RGL1: variants seen among roughly 807,000 people sequenced by gnomAD.
The protein encoded by RGL1 is ral guanine nucleotide dissociation stimulator-like 1.
A neutral mutation model predicts 95.2 loss-of-function variants in RGL1; 24 were observed. The ratio of observed to expected loss-of-function variants is 0.25; its 90% CI spans 0.18 to 0.35. The LOEUF is 0.35. Ranked by LOEUF, RGL1 falls within the 10% of genes least tolerant of loss-of-function variation. The pLI, the probability that RGL1 is intolerant of heterozygous loss-of-function variation, is 1.00. For missense variants in RGL1, 715 were observed against 936.3 expected (o/e 0.76, Z 3.08); for synonymous variants, 329 against 344.9 (o/e 0.95, Z 0.51).
chr1:183,890,296 T>A (rs1432309686), intron 8 of RGL1, among the ~76,000 whole-genome samples: 2 of 152,168 alleles, frequency 1.3e-5, no homozygotes, highest in East Asian at 3.8e-4. Context: ...CACAGCAAGT[T>A]TGAGACTAAA....
rs1280074323 is a variant in RGL1 at position 183,926,303 on chromosome 1, C to A, written c.*11C>A. ...AAAATCACCCTCTGAAGGGAGGGAC[C>A]AGTGGCCCCTTGTTTGCCAAAGGCA... On this transcript the variant is annotated 3_prime_UTR_variant, in exon 18 of 18. Transcript: ENST00000360851. 1.3e-6 allele frequency: 2 copies of A among 1,593,986 alleles called. No homozygotes were observed. The highest frequency in any genetic ancestry group is 1.1e-5 in the South Asian group (1 of 89,036).
At chr1:183,689,172 A>T (rs925543906) in intron 1 of RGL1, among the ~76,000 whole-genome samples, 11 of 152,212 alleles carry the variant, frequency 7.2e-5, no homozygotes, top group African/African-American at 2.7e-4. Context: ...TTCCAAACCC[A>T]CAATACTAAA....
intron 2 of RGL1, among the ~76,000 whole-genome samples, chr1:183,836,702 C>G (rs889291516): frequency 1.1e-4 from 16 of 152,134 alleles, no homozygotes; most frequent in Admixed American, 2.6e-4. Context: ...TTCTAGCAAG[C>G]CCATGATCTA....
chr1:183,656,525 C>G (rs1651178907), intron 1 of RGL1, among the ~76,000 whole-genome samples: 1 of 152,226 alleles, frequency 6.6e-6, no homozygotes, highest in Non-Finnish European at 1.5e-5. Flanking sequence ...GTGTTCAAAT[C>G]AGGGAAATGC....
chr1:183,840,572 C>G (rs977042660), intron 2 of RGL1, among the ~76,000 whole-genome samples: 2 of 152,030 alleles, frequency 1.3e-5, no homozygotes, highest in Non-Finnish European at 2.9e-5. Flanking sequence ...TTATGTGAAA[C>G]CCAGTGCAGG....
chr1:183,734,815 C>A lies in RGL1; in HGVS notation c.-32-7311C>A, dbSNP rs913004069. The stretch of plus-strand genomic sequence containing the variant: ...CAGTCCCCTGGAATTCCCTCTATCT[C>A]TCTTAGAATGCTAAAGGATATTTTT... On this transcript the variant is annotated intron_variant, in intron 1 of 18. Transcript: ENST00000304685. Among the ~76,000 whole-genome samples, 21 of 152,210 alleles carry A rather than the reference C, an allele frequency of 1.4e-4. 1 individual carries two copies. The highest frequency in any genetic ancestry group is 9.8e-4 in the Admixed American group (15 of 15,276).
intron 1 of RGL1, among the ~76,000 whole-genome samples, chr1:183,736,095 A>C (rs1195631321): frequency 6.6e-6 from 1 of 152,232 alleles, no homozygotes; most frequent in South Asian, 2.1e-4. Flanking sequence ...GTTTTGGGTT[A>C]TCTCTGAATA....
At chr1:183,859,540 T>A (rs1665377623) in intron 3 of RGL1, among the ~76,000 whole-genome samples, 1 of 152,210 alleles carries the variant, frequency 6.6e-6, no homozygotes, top group Admixed American at 6.5e-5. Flanking sequence ...AATGTTGCCT[T>A]AAGTGTCAGG....
intron 2 of RGL1, among the ~76,000 whole-genome samples, chr1:183,810,877 T>A (rs574516078): frequency 3.9e-5 from 6 of 152,204 alleles, no homozygotes; most frequent in Non-Finnish European, 8.8e-5. Context: ...ATTCTGCGTC[T>A]CACTGTTGTG....
chr1:183,834,992 T>C (rs1040312105), intron 2 of RGL1, among the ~76,000 whole-genome samples: 1 of 152,218 alleles, frequency 6.6e-6, no homozygotes. Context: ...CAAAGCACTT[T>C]TAATACTGTT....
chr1:183,870,392 C>T (rs1463261688), intron 4 of RGL1, among the ~76,000 whole-genome samples: 7 of 111,106 alleles, frequency 6.3e-5, no homozygotes, highest in Non-Finnish European at 1.3e-4. Flanking sequence ...TGTCTTCCGG[C>T]CAGGGTAGTT....
At chr1:183,839,694 T>A (rs1288713496) in intron 2 of RGL1, among the ~76,000 whole-genome samples, 4 of 152,208 alleles carry the variant, frequency 2.6e-5, no homozygotes, top group Non-Finnish European at 5.9e-5. Flanking sequence ...ACACAGAGTC[T>A]CAGCTCCTTA....
Position 183,922,215 on chromosome 1 carries a change from T to C in RGL1, c.2005-7T>C. The C allele has an allele frequency of 6.2e-7, 1 of 1,612,722 alleles. No homozygotes were observed. Among genetic ancestry groups the C allele is most frequent in the Non-Finnish European group, 8.5e-7 (1 of 1,178,712 alleles). On this transcript the variant is annotated splice_region_variant and splice_polypyrimidine_tract_variant and intron_variant, in intron 16 of 17. Coordinates refer to ENST00000360851, the MANE Select transcript of RGL1 (RefSeq NM_001297671.3). ...GTACTTTACAAACCTGTTCATTGTC[T>C]TTGCAGTTGACGAGCCAGGATAAAA...
At chr1:183,869,686 T>C (rs1209419416) in intron 4 of RGL1, among the ~76,000 whole-genome samples, 1 of 152,216 alleles carries the variant, frequency 6.6e-6, no homozygotes, top group African/African-American at 2.4e-5. Flanking sequence ...TGGCTCTCTT[T>C]TTCTGAAACT....
chr1:183,800,341 G>A (rs1212729359), upstream of RGL1, among the ~76,000 whole-genome samples: 1 of 152,162 alleles, frequency 6.6e-6, no homozygotes, highest in Non-Finnish European at 1.5e-5. Context: ...CACACCAGCT[G>A]CTTGCATTTG....
At chr1:183,711,796 G>A (rs1256510673) in intron 1 of RGL1, among the ~76,000 whole-genome samples, 1 of 152,074 alleles carries the variant, frequency 6.6e-6, no homozygotes, top group Non-Finnish European at 1.5e-5. Context: ...ATGGGGTGTG[G>A]GGGCGGGCGG....
chr1:183,854,076 G>T (rs891895423), intron 3 of RGL1, among the ~76,000 whole-genome samples: 10 of 152,186 alleles, frequency 6.6e-5, no homozygotes, highest in Non-Finnish European at 1.0e-4. Context: ...TGAATGTCTA[G>T]TGGGAAAGAG....
At chr1:183,894,640 T>G (rs1667590970) in intron 9 of RGL1, among the ~76,000 whole-genome samples, 1 of 152,210 alleles carries the variant, frequency 6.6e-6, no homozygotes, top group Admixed American at 6.5e-5. Context: ...CTGTTTCTAG[T>G]GTTACTCCTG....
At chr1:183,877,969 G>C (rs147947772) in intron 4 of RGL1, among the ~76,000 whole-genome samples, 207 of 152,310 alleles carry the variant, frequency 1.4e-3, no homozygotes, top group African/African-American at 4.9e-3. Context: ...CAGAGATGGA[G>C]GCAAGGATGC....
Sources: allele counts gnomAD v4.1 joint callset (sites outside exome capture counted in the v4.1 genomes callset), GRCh38; gene constraint gnomAD v4.1.1; transcripts MANE v1.5; gene names NCBI Gene and HGNC (gene_info 2026-07-23, HGNC 2026-07-21).